Variants in CCDC172 observed in about 807,000 individuals in gnomAD.
CCDC172 encodes coiled-coil domain containing 172.
In CCDC172, 30 loss-of-function variants were observed where a neutral mutation model predicts 38.0. The ratio of observed to expected loss-of-function variants is 0.79; its 90% CI spans 0.59 to 1.07. The LOEUF (loss-of-function observed/expected upper bound fraction) is 1.07. CCDC172 is among the 50% of genes least tolerant of loss of function. The pLI, the probability that CCDC172 is intolerant of heterozygous loss-of-function variation, is 0.00. For synonymous variants in CCDC172, 78 were observed against 88.3 expected (o/e 0.88, Z 0.66); for missense variants, 297 against 290.1 (o/e 1.02, Z -0.17).
chr10:116,347,697 T>G (rs1844884021), intron 5 of CCDC172, among the ~76,000 whole-genome samples: 1 of 152,142 alleles, frequency 6.6e-6, no homozygotes, highest in Non-Finnish European at 1.5e-5. Context: ...ATCATCACTA[T>G]TATATAACAG....
At chr10:116,360,042 CTATT>C (rs1268320342) in intron 7 of CCDC172, among the ~76,000 whole-genome samples, 4 of 152,152 alleles carry the variant, frequency 2.6e-5, no homozygotes, top group African/African-American at 7.2e-5. Context: ...TAATCTGTCT[CTATT>C]TATAAATATC....
intron 7 of CCDC172, among the ~76,000 whole-genome samples, chr10:116,359,076 A>G (rs2134952517): frequency 6.6e-6 from 1 of 152,342 alleles, no homozygotes; most frequent in African/African-American, 2.4e-5. Flanking sequence ...ATTAAATTAA[A>G]TGCCAATATT....
intron 7 of CCDC172, among the ~76,000 whole-genome samples, chr10:116,374,988 T>G (rs1352092667): frequency 6.6e-6 from 1 of 152,126 alleles, no homozygotes; most frequent in Non-Finnish European, 1.5e-5. Flanking sequence ...CTGCCTATCT[T>G]TCATTTTAGT....
intron 5 of CCDC172, 75 bp downstream of exon 5, chr10:116,342,276 A>G: frequency 7.2e-7 from 1 of 1,393,546 alleles, no homozygotes; most frequent in Non-Finnish European, 9.5e-7. Flanking sequence ...TTTTCCAAAA[A>G]TTTAACTTTT....
chr10:116,326,581 C>T (rs1256199248), intron 3 of CCDC172, among the ~76,000 whole-genome samples: 2 of 152,124 alleles, frequency 1.3e-5, no homozygotes, highest in Non-Finnish European at 1.5e-5. Context: ...CAAACATCAC[C>T]AATAAAGCCT....
chr10:116,374,087 A>G (rs1040336775), intron 7 of CCDC172, among the ~76,000 whole-genome samples: 1 of 152,172 alleles, frequency 6.6e-6, no homozygotes, highest in Non-Finnish European at 1.5e-5. Context: ...CCCTTTGTCC[A>G]GTGTACCTGC....
chr10:116,338,702 A>T (rs909762123), intron 3 of CCDC172, among the ~76,000 whole-genome samples: 1 of 152,072 alleles, frequency 6.6e-6, no homozygotes, highest in Non-Finnish European at 1.5e-5. Flanking sequence ...TGGTAATTTA[A>T]GCTCTTAGTC....
chr10:116,340,983 T>A, intron 4 of CCDC172, 133 bp downstream of exon 4: 1 of 657,698 alleles, frequency 1.5e-6, no homozygotes, highest in South Asian at 1.7e-5. Context: ...CAGGAAAGTA[T>A]TAAGTGCTAT....
At chr10:116,352,664 TTAATGA>T (rs1254339233) in intron 5 of CCDC172, among the ~76,000 whole-genome samples, 4 of 152,146 alleles carry the variant, frequency 2.6e-5, no homozygotes, top group African/African-American at 9.7e-5. Flanking sequence ...AATGTCATTC[TTAATGA>T]TAATGGAATG....
rs182271003 is a variant in CCDC172 at position 116,331,287 on chromosome 10, A to G, written c.165+5899A>G. ...AAAAAGAAATTCTCAATAATTTTTT[A>G]GACTATGAAGAGGTCAAAAGACCCA... On this transcript the variant is annotated intron_variant, in intron 3 of 8. Transcript: ENST00000333254. 8.7e-3 allele frequency among the ~76,000 whole-genome samples: 1,323 copies of G among 152,302 alleles called. 12 individuals are homozygous for G. Among genetic ancestry groups the G allele is most frequent in the Non-Finnish European group, 0.013 (859 of 68,004 alleles).
At chr10:116,341,916 C>T in intron 4 of CCDC172, 120 bp from the exon 5 acceptor site, 3 of 679,658 alleles carry the variant, frequency 4.4e-6, no homozygotes, top group Non-Finnish European at 4.0e-6. Flanking sequence ...GCCATAAAAC[C>T]AGGAAGTGTA....
intron 4 of CCDC172, 29 bp downstream of exon 4, chr10:116,340,879 A>T (rs147981632): frequency 8.9e-7 from 1 of 1,127,920 alleles, no homozygotes; most frequent in Admixed American, 1.8e-5. Context: ...AGAAAAATCT[A>T]TTTCACTAAT....
chr10:116,330,290 G>A (rs1041171605), intron 3 of CCDC172, among the ~76,000 whole-genome samples: 4 of 152,150 alleles, frequency 2.6e-5, no homozygotes, highest in Non-Finnish European at 4.4e-5. Flanking sequence ...TTTCTGGTGA[G>A]TTCGTTAGTG....
At chr10:116,365,256 A>G (rs950253780) in intron 7 of CCDC172, among the ~76,000 whole-genome samples, 1 of 152,192 alleles carries the variant, frequency 6.6e-6, no homozygotes, top group Admixed American at 6.5e-5. Flanking sequence ...TATATGCTAA[A>G]TAGGGAAGTA....
chr10:116,363,421 ATAAAT>A (rs1845087039), intron 7 of CCDC172, among the ~76,000 whole-genome samples: 1 of 152,222 alleles, frequency 6.6e-6, no homozygotes, highest in Admixed American at 6.5e-5. Context: ...ACTTTCAGAA[ATAAAT>A]TATATATGAA....
chr10:116,335,898 G>C (rs1844725735), intron 3 of CCDC172, among the ~76,000 whole-genome samples: 1 of 151,988 alleles, frequency 6.6e-6, no homozygotes, highest in Admixed American at 6.6e-5. Flanking sequence ...CAGGTGCGGT[G>C]GCTCACATCT....
chr10:116,327,189 C>A (rs1416655856), intron 3 of CCDC172, among the ~76,000 whole-genome samples: 1 of 152,030 alleles, frequency 6.6e-6, no homozygotes, highest in Non-Finnish European at 1.5e-5. Flanking sequence ...AATGACTTGT[C>A]CACGATATAT....
chr10:116,345,650 A>G lies in CCDC172; in HGVS notation c.448+3449A>G, dbSNP rs1280714537. ...CAAAAAGCCAATTATAAAAGGGAAAAAAGTTGAACTTCACAATAGAGTACT... is the reference window on the plus strand; with the variant it reads ...CAAAAAGCCAATTATAAAAGGGAAAGAAGTTGAACTTCACAATAGAGTACT... On this transcript the variant is annotated intron_variant, in intron 5 of 8. Transcript: ENST00000333254. Among the ~76,000 whole-genome samples, 6 of 152,218 alleles carry G rather than the reference A, an allele frequency of 3.9e-5. No homozygotes were observed. In the East Asian group the frequency reaches 7.7e-4, roughly 20 times the overall value.
At chr10:116,355,534 T>C (rs947538515) in intron 5 of CCDC172, among the ~76,000 whole-genome samples, 4 of 152,182 alleles carry the variant, frequency 2.6e-5, no homozygotes, top group African/African-American at 4.8e-5. Flanking sequence ...TTCATAGCAT[T>C]ATTCGTAGTA....
Sources: gnomAD v4.1 joint callset for allele counts (sites outside exome capture counted in the v4.1 genomes callset) on GRCh38, gnomAD v4.1.1 for gene constraint, MANE v1.5 for transcripts, NCBI Gene and HGNC (gene_info 2026-07-23, HGNC 2026-07-21) for gene names.